The following DPPA2 variants were observed in gnomAD, a reference collection of about 807,000 sequenced individuals.
The protein encoded by DPPA2 is developmental pluripotency-associated protein 2.
A neutral mutation model predicts 36.2 loss-of-function variants in DPPA2; 26 were observed. The observed-to-expected ratio is 0.72, with a 90% CI of 0.53 to 1.00. DPPA2 has a LOEUF of 1.00. DPPA2 is among the 50% of genes least tolerant of loss of function. The pLI is 0.00. For synonymous variants in DPPA2, 113 were observed against 123.2 expected, an observed-to-expected ratio of 0.92 and a Z score of 0.55; for missense variants, 361 against 365.1, an observed-to-expected ratio of 0.99 and a Z score of 0.09.
intron 2 of DPPA2, 62 bp downstream of exon 2, chr3:109,314,448 A>G: frequency 6.5e-7 from 1 of 1,543,388 alleles, no homozygotes. Context: ...AACATAAGGG[A>G]GACCTAGAAA....
chr3:109,314,668 CTT>C (rs1020211433), intron 1 of DPPA2, 113 bp from the exon 2 acceptor site: 10 of 966,764 alleles, frequency 1.0e-5, no homozygotes, highest in Admixed American at 2.7e-5. Context: ...CAGATGAGCT[CTT>C]GTTTTCCTTT....
intron 2 of DPPA2, 77 bp from the exon 3 acceptor site, chr3:109,312,769 G>T: frequency 6.4e-7 from 1 of 1,553,992 alleles, no homozygotes. Flanking sequence ...CAAAAGTCAT[G>T]AATAAGGAAC....
At chr3:109,313,105 G>A (rs1459507343) in intron 2 of DPPA2, among the ~76,000 whole-genome samples, 3 of 152,230 alleles carry the variant, frequency 2.0e-5, no homozygotes, top group Admixed American at 1.3e-4. Context: ...CACAGCACAA[G>A]CAATAACCTC....
chr3:109,316,068 CT>C (rs1000530206), intron 1 of DPPA2, among the ~76,000 whole-genome samples: 8 of 151,520 alleles, frequency 5.3e-5, no homozygotes, highest in Non-Finnish European at 8.8e-5. Flanking sequence ...GTAATTTTTT[CT>C]TTTTTTCTTT....
At chr3:109,305,468 C>T (rs894138867) in intron 6 of DPPA2, among the ~76,000 whole-genome samples, 5 of 151,074 alleles carry the variant, frequency 3.3e-5, no homozygotes, top group Non-Finnish European at 5.9e-5. Context: ...AACAGACAAG[C>T]GTCTGTTTAA....
chr3:109,306,289 G>A (rs115028022), intron 6 of DPPA2, among the ~76,000 whole-genome samples: 72 of 152,304 alleles, frequency 4.7e-4, no homozygotes, highest in Non-Finnish European at 9.6e-4. Flanking sequence ...TTAAAAATTA[G>A]AAAGAGGTGT....
chr3:109,303,320 T>C (rs1707491969), intron 7 of DPPA2, among the ~76,000 whole-genome samples: 1 of 152,046 alleles, frequency 6.6e-6, no homozygotes, highest in Non-Finnish European at 1.5e-5. Flanking sequence ...TAAGTTTCCC[T>C]AAGCTATTCC....
intron 8 of DPPA2, among the ~76,000 whole-genome samples, chr3:109,297,410 G>C (rs1707374670): frequency 6.6e-6 from 1 of 151,748 alleles, no homozygotes; most frequent in Non-Finnish European, 1.5e-5. Flanking sequence ...TGTGGTCCCA[G>C]CTACTTGGGA....
chr3:109,300,603 C>T (rs1234027979), intron 7 of DPPA2, among the ~76,000 whole-genome samples, 168 bp from the exon 8 acceptor site: 1 of 151,944 alleles, frequency 6.6e-6, no homozygotes, highest in Non-Finnish European at 1.5e-5. Flanking sequence ...GGGCAGATCA[C>T]CTGAGGTCAG....
chr3:109,295,642 G>GAT (rs71129034), intron 8 of DPPA2: 1 of 151,152 alleles, frequency 6.6e-6, no homozygotes, highest in Non-Finnish European at 1.5e-5. Context: ...TTTACATATA[G>GAT]ATAGAGAGAC....
Position 109,316,455 on chromosome 3 carries a change from G to C in DPPA2, c.-185C>G, listed in dbSNP as rs75170702. 2 of 152,358 alleles carry C rather than the reference G, an allele frequency of 1.3e-5. No homozygotes were observed. The highest frequency in any genetic ancestry group is 4.8e-5 in the African/African-American group (2 of 41,430). The allele number at this position is 152,358 out of a possible 1,614,324, so 9.4% of individuals were successfully genotyped here. A position where few individuals can be genotyped will look rare whatever the true frequency, so the allele number is the denominator to read the frequency against. ...CCTGCACCGCCACGCCCAGCCCTCC[G>C]GACGATTCTTAAGCTCCTGAAGTCT... On this transcript the variant is annotated 5_prime_UTR_variant, in exon 1 of 9. Coordinates refer to ENST00000478945, the MANE Select transcript of DPPA2 (RefSeq NM_138815.4).
chr3:109,306,106 G>A (rs997422477), intron 6 of DPPA2, among the ~76,000 whole-genome samples: 1 of 152,198 alleles, frequency 6.6e-6, no homozygotes, highest in African/African-American at 2.4e-5. Context: ...CATGTAGTGT[G>A]ATAGCTCCCC....
chr3:109,313,782 A>G (rs1250115846), intron 2 of DPPA2, among the ~76,000 whole-genome samples: 1 of 152,028 alleles, frequency 6.6e-6, no homozygotes, highest in Non-Finnish European at 1.5e-5. Context: ...GTTTCCCATT[A>G]CTCTTAGTTT....
At chr3:109,312,523 T>C in intron 3 of DPPA2, 22 bp downstream of exon 3, 1 of 1,596,168 alleles carries the variant, frequency 6.3e-7, no homozygotes, top group Non-Finnish European at 8.6e-7. Flanking sequence ...AGTAACTAAC[T>C]GAGCAATCCC....
At chr3:109,303,538 T>G (rs1707496552) in intron 7 of DPPA2, among the ~76,000 whole-genome samples, 1 of 151,824 alleles carries the variant, frequency 6.6e-6, no homozygotes, top group Non-Finnish European at 1.5e-5. Context: ...CCCAGCTAAT[T>G]TTGTATTTTT....
intron 7 of DPPA2, 92 bp downstream of exon 7, chr3:109,304,383 C>A (rs1342244172): frequency 7.7e-7 from 1 of 1,298,826 alleles, no homozygotes; most frequent in South Asian, 1.7e-5. Context: ...ACAGCATGTT[C>A]GCCCTCTGCT....
chr3:109,312,419 C>T, intron 3 of DPPA2, 126 bp downstream of exon 3: 1 of 1,247,874 alleles, frequency 8.0e-7, no homozygotes, highest in African/African-American at 1.5e-5. Context: ...TTTCTTAACA[C>T]AGATTAACAA....
intron 3 of DPPA2, among the ~76,000 whole-genome samples, chr3:109,310,241 A>G (rs1303654018): frequency 1.4e-5 from 2 of 139,002 alleles, no homozygotes; most frequent in African/African-American, 5.4e-5. Flanking sequence ...AAAAAAAAAA[A>G]AAAAAGAAAA....
intron 3 of DPPA2, among the ~76,000 whole-genome samples, chr3:109,311,528 T>C (rs1304521450): frequency 6.6e-6 from 1 of 152,076 alleles, no homozygotes; most frequent in East Asian, 1.9e-4. Context: ...TCACCTGAGG[T>C]CAGAAGTTTG....
Sources: gnomAD v4.1 joint callset for allele counts (sites outside exome capture counted in the v4.1 genomes callset) on GRCh38, gnomAD v4.1.1 for gene constraint, MANE v1.5 for transcripts, NCBI Gene and HGNC (gene_info 2026-07-23, HGNC 2026-07-21) for gene names.